Variants in ZC3H15 observed in about 807,000 individuals in gnomAD.
ZC3H15 encodes zinc finger CCCH-type containing 15, also known as zinc finger CCCH domain-containing protein 15.
Under a neutral mutation model 51.2 loss-of-function variants are expected in ZC3H15, and 15 were observed. That is an observed-to-expected ratio of 0.29 (90% CI 0.20 to 0.45). The LOEUF is 0.45. Ranked by LOEUF, ZC3H15 falls within the 20% of genes least tolerant of loss-of-function variation. The pLI is 1.00. For missense variants in ZC3H15, 381 were observed against 494.7 expected (o/e 0.77, Z 2.18); for synonymous variants, 144 against 162.8 (o/e 0.88, Z 0.88).
Position 186,495,252 on chromosome 2 carries a change from A to G in ZC3H15, c.95A>G (p.Lys32Arg). The change falls in exon 2 of 10, where the codon AAG becomes AGG. Residue 32 changes from lysine to arginine, a missense_variant. By Grantham distance (26) the Lys-to-Arg change is conservative. Around this residue, in one of 3 missense-constraint regions of ZC3H15, gnomAD observed 125 missense variants for 166.3 expected, o/e 0.75. Transcript: ENST00000337859. Reference sequence around the variant, plus strand: ...ATGTAGGACAAAACTTTCGGTTTGAAGAATAAGAAAGGAGCAAAGCAACAG... The same window carrying G: ...ATGTAGGACAAAACTTTCGGTTTGAGGAATAAGAAAGGAGCAAAGCAACAG... ...KIIEDKTFGL[K>R]NKKGAKQQKF... 1 of 1,547,900 alleles carries G rather than the reference A, an allele frequency of 6.5e-7. No individual in the cohort carries two copies. Among genetic ancestry groups the G allele is most frequent in the South Asian group, 1.3e-5 (1 of 77,206 alleles).
chr2:186,500,049 G>A (rs1685352482), intron 2 of ZC3H15, 133 bp from the exon 3 acceptor site: 1 of 700,394 alleles, frequency 1.4e-6, no homozygotes, highest in Non-Finnish European at 2.4e-6. Context: ...GACTCTGTAA[G>A]GCCATTATAA....
intron 2 of ZC3H15, chr2:186,499,518 C>A: frequency 4.5e-6 from 2 of 449,338 alleles, no homozygotes; most frequent in Admixed American, 2.4e-5. Context: ...GCACTATGTA[C>A]TATGTTACAG....
Position 186,486,271 on chromosome 2 carries a change from C to A in ZC3H15, c.-112C>A. 1 of 1,226,064 alleles carries A rather than the reference C, an allele frequency of 8.2e-7. No individual in the cohort carries two copies. Among genetic ancestry groups the A allele is most frequent in the Non-Finnish European group, 1.1e-6 (1 of 920,820 alleles). 75.9% of individuals were successfully genotyped at this position (1,226,064 alleles called of 1,614,324 possible). Reference sequence around the variant, plus strand: ...CGGGGCCAATGAGCGACTCGCTTTCCGTGCGGTGCGGCGAGTGAGGCCCCG... The same window carrying A: ...CGGGGCCAATGAGCGACTCGCTTTCAGTGCGGTGCGGCGAGTGAGGCCCCG... On this transcript the variant is annotated 5_prime_UTR_variant, in exon 1 of 10. Transcript: ENST00000337859.
chr2:186,493,010 G>T (rs1162048003), intron 1 of ZC3H15, among the ~76,000 whole-genome samples: 4 of 152,048 alleles, frequency 2.6e-5, no homozygotes, highest in Non-Finnish European at 5.9e-5. Context: ...TATGAAGATT[G>T]GCAGTAGATG....
chr2:186,497,855 G>A (rs1685307400), intron 2 of ZC3H15, among the ~76,000 whole-genome samples: 1 of 152,164 alleles, frequency 6.6e-6, no homozygotes, highest in Non-Finnish European at 1.5e-5. Context: ...GGACTTATCT[G>A]TGAACATGGG....
intron 1 of ZC3H15, among the ~76,000 whole-genome samples, chr2:186,494,847 TAGGA>T (rs893731616): frequency 1.3e-5 from 2 of 151,990 alleles, no homozygotes; most frequent in African/African-American, 2.4e-5. Flanking sequence ...GGGATAGCAT[TAGGA>T]GATGTACCTA....
At chr2:186,501,094 A>T (rs1559011060) in intron 3 of ZC3H15, among the ~76,000 whole-genome samples, 179 bp from the exon 4 acceptor site, 1 of 152,234 alleles carries the variant, frequency 6.6e-6, no homozygotes, top group Non-Finnish European at 1.5e-5. Context: ...ACAAAAGTAG[A>T]CATAAATGCT....
chr2:186,506,305 T>C (rs1685466353), intron 8 of ZC3H15, among the ~76,000 whole-genome samples: 1 of 152,372 alleles, frequency 6.6e-6, no homozygotes, highest in South Asian at 2.1e-4. Context: ...TACTGTTGAT[T>C]TTTTGTGTAC....
chr2:186,486,409 C>CG lies in ZC3H15; in HGVS notation c.32dup (p.Ser12GlnfsTer23). 6.4e-7 allele frequency: 1 copy of CG among 1,560,402 alleles called. No homozygotes were observed. The highest frequency in any genetic ancestry group is 8.7e-7 in the Non-Finnish European group (1 of 1,150,414). On this transcript the variant is annotated frameshift_variant, in exon 1 of 10. Transcript: ENST00000337859. LOFTEE classifies it high-confidence loss of function. ...TGCCCCCCAAGAAACAGGCTCAGGC[C>CG]GGGGGCAGCAAAAAGGCGGAGCAAA...
chr2:186,487,964 C>T (rs1050728345), intron 1 of ZC3H15, among the ~76,000 whole-genome samples: 1 of 152,010 alleles, frequency 6.6e-6, no homozygotes, highest in African/African-American at 2.4e-5. Context: ...TAAAATGATG[C>T]ATATGTTATG....
intron 2 of ZC3H15, among the ~76,000 whole-genome samples, chr2:186,498,242 G>A (rs534331788): frequency 4.6e-5 from 7 of 152,124 alleles, no homozygotes; most frequent in Admixed American, 2.0e-4. Flanking sequence ...GGAATGAAAC[G>A]GGGTGGGAAG....
At chr2:186,495,776 G>A (rs1022319291) in intron 2 of ZC3H15, among the ~76,000 whole-genome samples, 1 of 152,208 alleles carries the variant, frequency 6.6e-6, no homozygotes, top group African/African-American at 2.4e-5. Flanking sequence ...TTCCATAGAG[G>A]CTGTAGTACT....
chr2:186,493,314 T>G (rs943578339), intron 1 of ZC3H15, among the ~76,000 whole-genome samples: 2 of 152,120 alleles, frequency 1.3e-5, no homozygotes, highest in Non-Finnish European at 2.9e-5. Context: ...TCTCTGCTTC[T>G]GGAACACTAA....
rs1227012696 is a variant in ZC3H15, at chr2:186,505,504, C to T, written c.771C>T (p.Ala257=). 4 of 1,599,808 alleles carry T rather than the reference C, an allele frequency of 2.5e-6. No individual in the cohort carries two copies. Among genetic ancestry groups the T allele is most frequent in the South Asian group, 1.1e-5 (1 of 88,158 alleles). Residue 257 remains alanine, a synonymous_variant, in exon 7 of 10, where the codon GCC becomes GCT. Coordinates refer to ENST00000337859, the MANE Select transcript of ZC3H15 (RefSeq NM_018471.3). The part of the protein sequence containing the change: ...VTKITLESFL[A]WKKRKRQEKI... ...AAATCACTCTAGAATCTTTTCTTGCCTGGAAGAAAAGGAAAAGACAAGAAA... is the reference window on the plus strand; with the variant it reads ...AAATCACTCTAGAATCTTTTCTTGCTTGGAAGAAAAGGAAAAGACAAGAAA...
intron 9 of ZC3H15, among the ~76,000 whole-genome samples, 192 bp downstream of exon 9, chr2:186,507,028 T>C (rs1285200246): frequency 6.6e-6 from 1 of 152,162 alleles, no homozygotes; most frequent in Non-Finnish European, 1.5e-5. Flanking sequence ...ATTAAAATCA[T>C]TAATGGAAAC....
In ZC3H15 at chr2:186,502,591, T is replaced by C. The variant is rs757549913; in HGVS notation, c.534+4T>C. 12 of 1,605,624 alleles carry C rather than the reference T, an allele frequency of 7.5e-6. No individual in the cohort carries two copies. Among genetic ancestry groups the C allele is most frequent in the Non-Finnish European group, 1.0e-5 (12 of 1,174,948 alleles). On this transcript the variant is annotated splice_donor_region_variant and intron_variant, in intron 5 of 9. Coordinates refer to ENST00000337859, the MANE Select transcript of ZC3H15 (RefSeq NM_018471.3). ...GAAAAAACCAAAAACTCAAATAGTA[T>C]GTCCTTTTCTTGAATTGAGTTGCTG...
intron 7 of ZC3H15, 69 bp downstream of exon 7, chr2:186,505,666 T>G: frequency 6.2e-7 from 1 of 1,602,964 alleles, no homozygotes; most frequent in East Asian, 2.2e-5. Flanking sequence ...ATGCAAGATT[T>G]TGTTTCTATT....
intron 2 of ZC3H15, among the ~76,000 whole-genome samples, chr2:186,496,080 ATGT>A: frequency 1.3e-5 from 2 of 152,186 alleles, no homozygotes; most frequent in African/African-American, 4.8e-5. Flanking sequence ...TTTAACTTAC[ATGT>A]ATATATAGAG....
chr2:186,495,322 A>G lies in ZC3H15; in HGVS notation c.165A>G (p.Gln55=). ...AVTHQVKFGQ[Q]NPRQVAQSEA... Reference sequence around the variant, plus strand: ...CACATCAAGTTAAATTTGGTCAACAAAATCCACGTCAGGTAAGTAATTTAA... The same window carrying G: ...CACATCAAGTTAAATTTGGTCAACAGAATCCACGTCAGGTAAGTAATTTAA... Residue 55 remains glutamine (Q), a synonymous_variant, in exon 2 of 10, where the codon CAA becomes CAG. Coordinates refer to ENST00000337859, the MANE Select transcript of ZC3H15 (RefSeq NM_018471.3). The G allele has an allele frequency of 1.3e-6, 2 of 1,525,484 alleles. No homozygotes were observed. The highest frequency in any genetic ancestry group is 1.8e-6 in the Non-Finnish European group (2 of 1,138,844). 94.5% of individuals were successfully genotyped at this position (1,525,484 alleles called of 1,614,324 possible). A position where few individuals can be genotyped will look rare whatever the true frequency, so the allele number is the denominator to read the frequency against.
Sources: gnomAD v4.1 joint callset for allele counts (sites outside exome capture counted in the v4.1 genomes callset) on GRCh38, gnomAD v4.1.1 for gene constraint, gnomAD v4.1.1 regional missense constraint, MANE v1.5 for transcripts, NCBI Gene and HGNC (gene_info 2026-07-23, HGNC 2026-07-21) for gene names.